LRRTM4: variants seen among roughly 807,000 people sequenced by gnomAD.
The protein encoded by LRRTM4 is leucine rich repeat transmembrane neuronal 4, also known as leucine-rich repeat transmembrane neuronal protein 4.
Under a neutral mutation model 47.6 loss-of-function variants are expected in LRRTM4, and 25 were observed. That is an observed-to-expected ratio of 0.53 (90% CI 0.38 to 0.73). The LOEUF is 0.73. Ranked by LOEUF, LRRTM4 falls within the 30% of genes least tolerant of loss-of-function variation. The pLI is 0.00. For missense variants in LRRTM4, 638 were observed against 713.4 expected, an observed-to-expected ratio of 0.89 and a Z score of 1.20; for synonymous variants, 311 against 269.5, an observed-to-expected ratio of 1.15 and a Z score of -1.51.
chr2:77,238,042 T>C (rs1223465553), intron 3 of LRRTM4, among the ~76,000 whole-genome samples: 1 of 152,058 alleles, frequency 6.6e-6, no homozygotes, highest in Non-Finnish European at 1.5e-5. Flanking sequence ...ATAGCAGGTA[T>C]GTAGAATGAA....
intron 3 of LRRTM4, among the ~76,000 whole-genome samples, chr2:77,461,629 T>A (rs1676793100): frequency 6.6e-6 from 1 of 152,158 alleles, no homozygotes; most frequent in African/African-American, 2.4e-5. Context: ...TATCAAGCTT[T>A]TTTTTCAGAA....
intron 3 of LRRTM4, among the ~76,000 whole-genome samples, chr2:77,042,601 A>G (rs1015759929): frequency 6.6e-6 from 1 of 151,762 alleles, no homozygotes; most frequent in Non-Finnish European, 1.5e-5. Context: ...CAGGAATAAA[A>G]TAGAAGTTTG....
intron 3 of LRRTM4, among the ~76,000 whole-genome samples, chr2:77,024,044 G>T (rs920208731): frequency 1.3e-5 from 2 of 152,124 alleles, no homozygotes; most frequent in Non-Finnish European, 2.9e-5. Context: ...TTTTTACATG[G>T]CAGTGGCAAG....
intron 3 of LRRTM4, among the ~76,000 whole-genome samples, chr2:77,514,223 G>C (rs532013817): frequency 6.6e-6 from 1 of 151,988 alleles, no homozygotes; most frequent in African/African-American, 2.4e-5. Context: ...ATAGCTGTAT[G>C]TCGATAAACT....
intron 3 of LRRTM4, among the ~76,000 whole-genome samples, chr2:77,060,947 G>C (rs1679766078): frequency 6.6e-6 from 1 of 151,852 alleles, no homozygotes; most frequent in Non-Finnish European, 1.5e-5. Context: ...TTTAAGTACA[G>C]AATAAAAACA....
intron 3 of LRRTM4, among the ~76,000 whole-genome samples, chr2:77,349,296 G>C (rs1671675266): frequency 6.6e-6 from 1 of 151,186 alleles, no homozygotes. Flanking sequence ...AAAAACAGAT[G>C]GGAATAAAAC....
intron 3 of LRRTM4, among the ~76,000 whole-genome samples, chr2:77,013,999 T>C (rs147125974): frequency 4.5e-4 from 69 of 152,322 alleles, no homozygotes; most frequent in African/African-American, 1.6e-3. Flanking sequence ...AGTTCCTTTT[T>C]TTCTTTCACC....
intron 3 of LRRTM4, among the ~76,000 whole-genome samples, chr2:76,840,653 A>G (rs551098557): frequency 6.6e-6 from 1 of 152,334 alleles, no homozygotes; most frequent in Admixed American, 6.5e-5. Flanking sequence ...CCCCGACTAC[A>G]TGTGCAATCA....
rs533849099 is a variant in LRRTM4, at chr2:77,212,094, T to C, written c.1551+306224A>G. Among the ~76,000 whole-genome samples, 16 of 152,078 alleles carry C rather than the reference T, an allele frequency of 1.1e-4. No individual in the cohort carries two copies. In the South Asian group the frequency reaches 3.3e-3, roughly 32 times the overall value. On this transcript the variant is annotated intron_variant, in intron 3 of 3. Coordinates refer to ENST00000409884, the MANE Select transcript of LRRTM4 (RefSeq NM_001134745.3). ...ATCACAATGTACGTTAAAATGTGCA[T>C]GGGATGTGGGAGACTACTTAAATGC... is the stretch of plus-strand genomic sequence containing the variant.
rs542326014 is a variant in LRRTM4 at position 77,010,216 on chromosome 2, T to G, written c.1552-261300A>C. Among the ~76,000 whole-genome samples, 21 of 152,140 alleles carry G rather than the reference T, an allele frequency of 1.4e-4. 1 individual carries two copies. In the South Asian group the frequency reaches 4.3e-3, roughly 32 times the overall value. On this transcript the variant is annotated intron_variant, in intron 3 of 3. Transcript: ENST00000409884. The stretch of plus-strand genomic sequence containing the variant: ...GTCATTAACTGTAGTCAACAAGATG[T>G]GCAATCGTTTTTTGGAATGTATTTA...
intron 3 of LRRTM4, chr2:77,517,883 T>A: frequency 1.0e-6 from 1 of 987,830 alleles, no homozygotes; most frequent in Non-Finnish European, 1.2e-6. Flanking sequence ...TTGGTTTAAA[T>A]CTTCATTACC....
At chr2:76,827,464 T>G (rs147065925) in intron 3 of LRRTM4, among the ~76,000 whole-genome samples, 1 of 151,994 alleles carries the variant, frequency 6.6e-6, no homozygotes, top group Non-Finnish European at 1.5e-5. Flanking sequence ...CATGCTACAC[T>G]GTTTCCTGTG....
intron 3 of LRRTM4, among the ~76,000 whole-genome samples, chr2:76,757,657 T>C (rs966101239): frequency 2.0e-5 from 3 of 152,128 alleles, no homozygotes; most frequent in Non-Finnish European, 4.4e-5. Context: ...TTTAAGTGAA[T>C]CTACATAAAT....
At chr2:76,990,724 G>A (rs72823156) in intron 3 of LRRTM4, among the ~76,000 whole-genome samples, 2,689 of 151,694 alleles carry the variant, frequency 0.018, 44 homozygotes, top group Non-Finnish European at 0.023. Flanking sequence ...ACCACTGATA[G>A]TGCATAGGCA....
At chr2:77,022,290 A>T (rs916468019) in intron 3 of LRRTM4, among the ~76,000 whole-genome samples, 44 of 152,280 alleles carry the variant, frequency 2.9e-4, no homozygotes, top group African/African-American at 1.0e-3. Flanking sequence ...CTCCTACAAC[A>T]TGTGGGAATT....
intron 3 of LRRTM4, among the ~76,000 whole-genome samples, chr2:76,771,809 C>G (rs1673724550): frequency 1.3e-5 from 2 of 152,212 alleles, no homozygotes; most frequent in Non-Finnish European, 2.9e-5. Context: ...ATTCTTGATT[C>G]AACAGCCCCT....
At chr2:76,972,801 A>C (rs1179520425) in intron 3 of LRRTM4, among the ~76,000 whole-genome samples, 1 of 151,982 alleles carries the variant, frequency 6.6e-6, no homozygotes, top group Non-Finnish European at 1.5e-5. Flanking sequence ...CCCTAAACTC[A>C]TGGCATTTGA....
intron 3 of LRRTM4, among the ~76,000 whole-genome samples, chr2:76,932,027 T>A (rs976830850): frequency 6.6e-6 from 1 of 152,156 alleles, no homozygotes; most frequent in East Asian, 1.9e-4. Flanking sequence ...ATCCTGAGAA[T>A]TGATGACTTC....
At chr2:77,402,131 C>A in intron 3 of LRRTM4, among the ~76,000 whole-genome samples, 1 of 151,992 alleles carries the variant, frequency 6.6e-6, no homozygotes. Flanking sequence ...GGAATTGACT[C>A]TAAATTCTTT....
Sources: gnomAD v4.1 joint callset for allele counts (sites outside exome capture counted in the v4.1 genomes callset) on GRCh38, gnomAD v4.1.1 for gene constraint, MANE v1.5 for transcripts, NCBI Gene and HGNC (gene_info 2026-07-23, HGNC 2026-07-21) for gene names.